LCP2: variants seen among roughly 807,000 people sequenced by gnomAD.
LCP2 encodes the protein 76 kDa tyrosine phosphoprotein.
Under a neutral mutation model 74.5 loss-of-function variants are expected in LCP2, and 29 were observed. That is an observed-to-expected ratio of 0.39 (90% CI 0.29 to 0.53). The LOEUF is 0.53. Ranked by LOEUF, LCP2 falls within the 20% of genes least tolerant of loss-of-function variation. LCP2 has a pLI of 0.72. For synonymous variants in LCP2, 228 were observed against 229.5 expected (o/e 0.99, Z 0.06); for missense variants, 604 against 634.6 (o/e 0.95, Z 0.52).
chr5:170,253,335 C>T (rs1309295281), intron 17 of LCP2, 122 bp from the exon 18 acceptor site: 2 of 549,230 alleles, frequency 3.6e-6, no homozygotes, highest in Non-Finnish European at 6.3e-6. Flanking sequence ...TCCTATAGTT[C>T]GCATTTTAAG....
At chr5:170,254,102 T>G (rs1458406290) in intron 17 of LCP2, among the ~76,000 whole-genome samples, 1 of 152,216 alleles carries the variant, frequency 6.6e-6, no homozygotes, top group Non-Finnish European at 1.5e-5. Flanking sequence ...GAGTAAGGTA[T>G]CGTGTGTACA....
rs1561962960 is a variant in LCP2, at chr5:170,246,516, T to A, written c.*2181A>T. 6.3e-6 allele frequency: 1 copy of A among 159,296 alleles called. No homozygotes were observed. The allele number at this position is 159,296 out of a possible 1,614,324, so 9.9% of individuals were successfully genotyped here. On this transcript the variant is annotated 3_prime_UTR_variant, in exon 21 of 21. Transcript: ENST00000046794. Reference sequence around the variant, plus strand: ...ACATAGTTGGAATAGATTTCAGGGATCCCACTAATTTGTCCATACTTTTAC... The same window carrying A: ...ACATAGTTGGAATAGATTTCAGGGAACCCACTAATTTGTCCATACTTTTAC...
intron 3 of LCP2, among the ~76,000 whole-genome samples, chr5:170,287,118 T>C (rs2113207912): frequency 6.6e-6 from 1 of 152,350 alleles, no homozygotes; most frequent in Admixed American, 6.5e-5. Flanking sequence ...ATGGAACATA[T>C]GATATCTGAT....
intron 3 of LCP2, among the ~76,000 whole-genome samples, chr5:170,278,697 C>T (rs1762052793): frequency 1.3e-5 from 2 of 152,240 alleles, no homozygotes; most frequent in East Asian, 3.9e-4. Flanking sequence ...TTGAAAGAAC[C>T]TCCTGCTCTC....
At position 170,266,894 on chromosome 5, in the gene LCP2, G is replaced by A. The variant is rs371741776; in HGVS notation, c.689-3C>T. 65 of 1,613,640 alleles carry A rather than the reference G, an allele frequency of 4.0e-5. No individual in the cohort carries two copies. Among genetic ancestry groups the A allele is most frequent in the Non-Finnish European group, 5.3e-5 (63 of 1,179,674 alleles). On this transcript the variant is annotated splice_region_variant and splice_polypyrimidine_tract_variant and intron_variant, in intron 9 of 20. Transcript: ENST00000046794. ...TCTGTCTATTGAAGGAGCAGGGACT[G>A]GAAGGGGAAAAGGCTGACATCAATT... is the stretch of plus-strand genomic sequence containing the variant.
chr5:170,258,814 A>C (rs1238770509), intron 15 of LCP2, 52 bp downstream of exon 15: 1 of 1,384,578 alleles, frequency 7.2e-7, no homozygotes, highest in Non-Finnish European at 1.0e-6. Flanking sequence ...ATGCCTGAGC[A>C]GGAAAATGAA....
chr5:170,251,209 A>G, intron 19 of LCP2: 1 of 230,356 alleles, frequency 4.3e-6, no homozygotes, highest in Middle Eastern at 1.6e-3. Context: ...ATAAAAGGCC[A>G]GGAGAAATAA....
chr5:170,258,334 G>A lies in LCP2; in HGVS notation c.971-168C>T, dbSNP rs1051728963. On this transcript the variant is annotated intron_variant, in intron 15 of 20. Coordinates refer to ENST00000046794, the MANE Select transcript of LCP2 (RefSeq NM_005565.5). Reference sequence around the variant, plus strand: ...TAGGATGGAACCTTGCTCCCAGGGTGTTTCTAGATGACTTAACCACCATAG... The same window carrying A: ...TAGGATGGAACCTTGCTCCCAGGGTATTTCTAGATGACTTAACCACCATAG... 2.1e-5 allele frequency: 13 copies of A among 621,984 alleles called. 1 individual carries two copies. Among genetic ancestry groups the A allele is most frequent in the Middle Eastern group, 4.4e-4 (1 of 2,266 alleles). 38.5% of individuals were successfully genotyped at this position (621,984 alleles called of 1,614,324 possible).
intron 5 of LCP2, among the ~76,000 whole-genome samples, chr5:170,274,845 C>T (rs939956166): frequency 6.6e-6 from 1 of 151,568 alleles, no homozygotes; most frequent in Non-Finnish European, 1.5e-5. Context: ...GGCATGGTGG[C>T]GGGTGCCTGT....
chr5:170,289,747 C>A (rs1581076459), intron 2 of LCP2, among the ~76,000 whole-genome samples: 1 of 103,134 alleles, frequency 9.7e-6, no homozygotes, highest in South Asian at 3.2e-4. Flanking sequence ...CTTTTCTTTT[C>A]TTTTCTTTCT....
Position 170,248,311 on chromosome 5 carries a change from A to AG in LCP2, c.*385_*386insC. ...ACTGACAGAGGTTTGGCTGTAAAAA[A>AG]CAAATCAGTTTTATGTGACACCAAT... is the stretch of plus-strand genomic sequence containing the variant. On this transcript the variant is annotated 3_prime_UTR_variant, in exon 21 of 21. Coordinates refer to ENST00000046794, the MANE Select transcript of LCP2 (RefSeq NM_005565.5). 1 of 164,890 alleles carries AG rather than the reference A, an allele frequency of 6.1e-6. No individual in the cohort carries two copies. The highest frequency in any genetic ancestry group is 1.3e-5 in the Non-Finnish European group (1 of 75,918). The allele number at this position is 164,890 out of a possible 1,614,324, so 10.2% of individuals were successfully genotyped here. A position where few individuals can be genotyped will look rare whatever the true frequency, so the allele number is the denominator to read the frequency against.
At chr5:170,296,258 T>A (rs921884452) in intron 1 of LCP2, among the ~76,000 whole-genome samples, 7 of 152,244 alleles carry the variant, frequency 4.6e-5, no homozygotes, top group African/African-American at 1.7e-4. Flanking sequence ...AAGTTTATTA[T>A]GACCTTGCAG....
intron 7 of LCP2, chr5:170,270,404 C>A: frequency 3.6e-6 from 1 of 277,614 alleles, no homozygotes; most frequent in Non-Finnish European, 6.6e-6. Context: ...TGAGTTGAAA[C>A]TGCCAAATAG....
At chr5:170,265,166 T>A (rs1421542165) in intron 10 of LCP2, among the ~76,000 whole-genome samples, 1 of 151,958 alleles carries the variant, frequency 6.6e-6, no homozygotes, top group Non-Finnish European at 1.5e-5. Context: ...TTTTTGTATT[T>A]TTAATAGAGA....
chr5:170,275,220 A>C, intron 5 of LCP2, 100 bp downstream of exon 5: 4 of 1,275,926 alleles, frequency 3.1e-6, no homozygotes, highest in Non-Finnish European at 4.6e-6. Context: ...CAGTAAGGTC[A>C]CCTGAATGAA....
chr5:170,279,247 A>G (rs1762062472), intron 3 of LCP2, among the ~76,000 whole-genome samples: 1 of 152,174 alleles, frequency 6.6e-6, no homozygotes. Flanking sequence ...GTAGGAAGGC[A>G]GCATTCTACA....
chr5:170,296,647 G>A (rs1014565652), intron 1 of LCP2, among the ~76,000 whole-genome samples: 10 of 152,180 alleles, frequency 6.6e-5, no homozygotes, highest in African/African-American at 2.4e-4. Flanking sequence ...ACATGGTCAG[G>A]GTAGAGGGAC....
intron 17 of LCP2, among the ~76,000 whole-genome samples, chr5:170,255,123 G>T (rs1424206581): frequency 6.6e-6 from 1 of 152,228 alleles, no homozygotes; most frequent in African/African-American, 2.4e-5. Context: ...TAACACAAAT[G>T]TGTGTTTGCA....
Position 170,281,984 on chromosome 5 carries a change from G to A in LCP2, c.188+5986C>T, listed in dbSNP as rs73804027. On this transcript the variant is annotated intron_variant, in intron 3 of 20. Coordinates refer to ENST00000046794, the MANE Select transcript of LCP2 (RefSeq NM_005565.5). Reference sequence around the variant, plus strand: ...TGAACGTGTATTCGTGTATTCTATCGATTTAACCAGACCGTTGTCAGCTGT... The same window carrying A: ...TGAACGTGTATTCGTGTATTCTATCAATTTAACCAGACCGTTGTCAGCTGT... Among the ~76,000 whole-genome samples the A allele has an allele frequency of 6.5e-3, 988 of 152,262 alleles. 8 individuals carry two copies. The highest frequency in any genetic ancestry group is 0.022 in the African/African-American group (907 of 41,550).
Sources: allele counts gnomAD v4.1 joint callset (sites outside exome capture counted in the v4.1 genomes callset), GRCh38; gene constraint gnomAD v4.1.1; transcripts MANE v1.5; gene names NCBI Gene and HGNC (gene_info 2026-07-23, HGNC 2026-07-21).